LDAH: variants seen among roughly 807,000 people sequenced by gnomAD.
LDAH encodes lipid droplet associated hydrolase, also known as lipid droplet-associated hydrolase.
LDAH carries 26 observed loss-of-function variants against 29.6 expected under a neutral mutation model. The observed-to-expected ratio is 0.88, with a 90% CI of 0.64 to 1.22. The LOEUF is 1.22. Ranked by LOEUF, LDAH falls within the 50% of genes most tolerant of loss-of-function variation. The pLI is 0.00. For synonymous variants in LDAH, 117 were observed against 133.0 expected, an observed-to-expected ratio of 0.88 and a Z score of 0.83; for missense variants, 344 against 387.3, an observed-to-expected ratio of 0.89 and a Z score of 0.94.
chr2:20,766,919 C>T (rs340591), intron 4 of LDAH, among the ~76,000 whole-genome samples: 2,260 of 152,304 alleles, frequency 0.015, 56 homozygotes, highest in African/African-American at 0.052. Context: ...GGGGGCTCTG[C>T]GCAGGGCCGC....
At chr2:20,808,197 CGAG>C (rs1364357167) in intron 1 of LDAH, among the ~76,000 whole-genome samples, 1 of 152,078 alleles carries the variant, frequency 6.6e-6, no homozygotes. Context: ...AATTAAATAA[CGAG>C]GGGACAAACT....
chr2:20,718,390 T>G (rs1315785581), intron 5 of LDAH, among the ~76,000 whole-genome samples: 2 of 152,084 alleles, frequency 1.3e-5, no homozygotes, highest in Non-Finnish European at 2.9e-5. Context: ...AAATAGACTT[T>G]AAGTCAAAAA....
intron 2 of LDAH, among the ~76,000 whole-genome samples, chr2:20,797,690 A>T (rs911783439): frequency 6.6e-6 from 1 of 152,204 alleles, no homozygotes; most frequent in African/African-American, 2.4e-5. Flanking sequence ...ATGGATAGTC[A>T]AGGATTGCCA....
intron 5 of LDAH, among the ~76,000 whole-genome samples, chr2:20,701,969 C>T (rs1479871028): frequency 6.6e-6 from 1 of 151,882 alleles, no homozygotes; most frequent in Non-Finnish European, 1.5e-5. Context: ...TGTGCTATTT[C>T]GATTTAAGGC....
At chr2:20,779,088 C>A (rs996632287) in intron 3 of LDAH, among the ~76,000 whole-genome samples, 2 of 152,134 alleles carry the variant, frequency 1.3e-5, no homozygotes, top group Admixed American at 1.3e-4. Flanking sequence ...CAGACAGTAA[C>A]TACATCTCAC....
At position 20,686,638 on chromosome 2, in the gene LDAH, T is replaced by C. The variant is rs111632024; in HGVS notation, c.*265A>G. The C allele has an allele frequency of 9.7e-3, 2,630 of 270,856 alleles. 64 individuals carry two copies. Among genetic ancestry groups the C allele is most frequent in the African/African-American group, 0.053 (2,427 of 45,686 alleles). The allele number at this position is 270,856 out of a possible 1,614,324, so 16.8% of individuals were successfully genotyped here. On this transcript the variant is annotated 3_prime_UTR_variant, in exon 7 of 7. Transcript: ENST00000237822. ...ACCAAAATAAACCATATGGTGCCAC[T>C]GGGCATCTTGTGCAAACACAAGACT...
chr2:20,703,337 T>C (rs1423508906), intron 5 of LDAH, among the ~76,000 whole-genome samples: 1 of 152,218 alleles, frequency 6.6e-6, no homozygotes, highest in Non-Finnish European at 1.5e-5. Flanking sequence ...CCACCAGTTA[T>C]CTTCAAACCT....
At chr2:20,751,768 A>T (rs1310370837) in intron 4 of LDAH, among the ~76,000 whole-genome samples, 1 of 152,244 alleles carries the variant, frequency 6.6e-6, no homozygotes, top group Non-Finnish European at 1.5e-5. Flanking sequence ...TCAGAGGAAA[A>T]GACAATGAAG....
At position 20,722,174 on chromosome 2, in the gene LDAH, G is replaced by A. The variant is rs566731231; in HGVS notation, c.703+17797C>T. Among the ~76,000 whole-genome samples, 143 of 152,116 alleles carry A rather than the reference G, an allele frequency of 9.4e-4. 1 individual carries two copies. Among genetic ancestry groups the A allele is most frequent in the Non-Finnish European group, 1.6e-3 (110 of 67,980 alleles). On this transcript the variant is annotated intron_variant, in intron 5 of 6. Coordinates refer to ENST00000237822, the MANE Select transcript of LDAH (RefSeq NM_021925.4). ...GCGGATCACCTGAGGTCAGGAGTTCGAGACCAGCCTGGCCAACATGGTGAA... is the reference window on the plus strand; with the variant it reads ...GCGGATCACCTGAGGTCAGGAGTTCAAGACCAGCCTGGCCAACATGGTGAA...
chr2:20,713,411 G>A (rs534177179), intron 5 of LDAH, among the ~76,000 whole-genome samples: 19 of 152,180 alleles, frequency 1.2e-4, no homozygotes, highest in African/African-American at 3.4e-4. Context: ...AGAAACAACC[G>A]GTACCAGCCA....
chr2:20,685,438 C>T lies in LDAH; in HGVS notation c.*1465G>A. ...GGCCTATGTATCTATTAGCTCTTCC[C>T]CTTGGGCTAACAGCACTCCTTGTCT... On this transcript the variant is annotated 3_prime_UTR_variant, in exon 7 of 7. Transcript: ENST00000237822. The T allele has an allele frequency of 7.1e-7, 1 of 1,410,154 alleles. No homozygotes were observed. Among genetic ancestry groups the T allele is most frequent in the Non-Finnish European group, 9.5e-7 (1 of 1,052,800 alleles). The allele number at this position is 1,410,154 out of a possible 1,614,324, so 87.4% of individuals were successfully genotyped here.
At chr2:20,785,472 A>AT (rs1276002621) in intron 3 of LDAH, among the ~76,000 whole-genome samples, 2 of 152,208 alleles carry the variant, frequency 1.3e-5, no homozygotes, top group East Asian at 3.9e-4. Flanking sequence ...TATTTTCAAG[A>AT]TTTTGTCTTT....
intron 6 of LDAH, among the ~76,000 whole-genome samples, chr2:20,700,364 T>C (rs1663837068): frequency 6.6e-6 from 1 of 152,210 alleles, no homozygotes; most frequent in Admixed American, 6.5e-5. Flanking sequence ...AAAAGTCCTC[T>C]CTGGGTGAAT....
At chr2:20,798,501 A>G (rs940562173) in intron 2 of LDAH, among the ~76,000 whole-genome samples, 5 of 151,704 alleles carry the variant, frequency 3.3e-5, no homozygotes, top group African/African-American at 1.2e-4. Context: ...GGGAAAACAA[A>G]CAAAAATATA....
At chr2:20,807,608 G>T (rs1672160866) in intron 1 of LDAH, among the ~76,000 whole-genome samples, 1 of 151,838 alleles carries the variant, frequency 6.6e-6, no homozygotes. Flanking sequence ...CATCTCAATT[G>T]ATACAGAAAA....
At chr2:20,778,370 A>G (rs1669958048) in intron 3 of LDAH, among the ~76,000 whole-genome samples, 1 of 152,220 alleles carries the variant, frequency 6.6e-6, no homozygotes, top group African/African-American at 2.4e-5. Context: ...AAATTAAATA[A>G]TATCAGTACT....
intron 5 of LDAH, among the ~76,000 whole-genome samples, chr2:20,733,955 C>T (rs1666602475): frequency 2.0e-5 from 3 of 152,218 alleles, no homozygotes; most frequent in Admixed American, 2.0e-4. Context: ...TATTCTGTTG[C>T]TGATTTCTAG....
At chr2:20,747,788 G>A (rs1201486614) in intron 4 of LDAH, among the ~76,000 whole-genome samples, 1 of 152,060 alleles carries the variant, frequency 6.6e-6, no homozygotes, top group Non-Finnish European at 1.5e-5. Flanking sequence ...CTATTTTCTA[G>A]GTACTACACT....
At chr2:20,801,196 G>T in intron 2 of LDAH, 114 bp downstream of exon 2, 4 of 1,136,608 alleles carry the variant, frequency 3.5e-6, no homozygotes, top group South Asian at 3.2e-5. Flanking sequence ...TGGGTCAAGC[G>T]ATTTTAATTC....
Sources: gnomAD v4.1 joint callset for allele counts (sites outside exome capture counted in the v4.1 genomes callset) on GRCh38, gnomAD v4.1.1 for gene constraint, MANE v1.5 for transcripts, NCBI Gene and HGNC (gene_info 2026-07-23, HGNC 2026-07-21) for gene names.